The following LINC00305 variants were observed in gnomAD, a reference collection of about 807,000 sequenced individuals.
LINC00305 encodes the protein long intergenic non-protein coding RNA 305.
intron 3 of LINC00305, among the ~76,000 whole-genome samples, chr18:64,080,923 CTA>C (rs1020035010): frequency 8.5e-5 from 13 of 152,066 alleles, no homozygotes; most frequent in Admixed American, 2.0e-4. Context: ...AAAAAGAAAA[CTA>C]TTTTAATTTT....
At chr18:64,133,815 T>C (rs1235383421) in intron 1 of LINC00305, among the ~76,000 whole-genome samples, 1 of 152,236 alleles carries the variant, frequency 6.6e-6, no homozygotes, top group South Asian at 2.1e-4. Context: ...GTCATTTTCA[T>C]GGTTTATAAC....
chr18:64,100,106 G>A (rs2051262216), intron 1 of LINC00305, among the ~76,000 whole-genome samples: 1 of 151,970 alleles, frequency 6.6e-6, no homozygotes, highest in Admixed American at 6.6e-5. Flanking sequence ...AAAGCTGGCT[G>A]GCTAACTCCA....
chr18:64,082,804 TTC>T (rs761973896), intron 3 of LINC00305, among the ~76,000 whole-genome samples: 3 of 152,190 alleles, frequency 2.0e-5, no homozygotes, highest in East Asian at 3.8e-4. Context: ...TTACTTTATT[TTC>T]TGTTTCCATT....
intron 3 of LINC00305, among the ~76,000 whole-genome samples, chr18:64,083,839 A>C (rs1401334098): frequency 6.6e-6 from 1 of 152,174 alleles, no homozygotes; most frequent in East Asian, 1.9e-4. Context: ...GGTAACCTTG[A>C]TTTGTTAGGA....
chr18:64,095,520 G>C (rs2051241881), intron 3 of LINC00305, among the ~76,000 whole-genome samples: 1 of 152,044 alleles, frequency 6.6e-6, no homozygotes, highest in African/African-American at 2.4e-5. Context: ...AGGTGAAACA[G>C]GAGCTATCTG....
At chr18:64,133,030 CAGAA>C (rs2051416945) in intron 1 of LINC00305, among the ~76,000 whole-genome samples, 1 of 152,184 alleles carries the variant, frequency 6.6e-6, no homozygotes, top group Admixed American at 6.5e-5. Context: ...CACGATATGG[CAGAA>C]GCTCAGCCAG....
intron 1 of LINC00305, among the ~76,000 whole-genome samples, chr18:64,145,451 C>T (rs918195912): frequency 6.6e-6 from 1 of 152,144 alleles, no homozygotes; most frequent in Non-Finnish European, 1.5e-5. Context: ...GGCGGTGACC[C>T]CCCTGGACCC....
chr18:64,145,580 AT>A (rs1414457492), intron 1 of LINC00305, among the ~76,000 whole-genome samples: 1 of 151,936 alleles, frequency 6.6e-6, no homozygotes, highest in Admixed American at 6.6e-5. Flanking sequence ...CCCAGATAAT[AT>A]TTTTTTGTAG....
At chr18:64,100,144 G>GT (rs947052308) in intron 1 of LINC00305, among the ~76,000 whole-genome samples, 184 of 148,726 alleles carry the variant, frequency 1.2e-3, no homozygotes, top group African/African-American at 2.9e-3. Context: ...ATTAAATATT[G>GT]TTTTTTTTTT....
At chr18:64,129,313 C>T (rs761487564) in intron 1 of LINC00305, among the ~76,000 whole-genome samples, 2 of 152,032 alleles carry the variant, frequency 1.3e-5, no homozygotes, top group Non-Finnish European at 2.9e-5. Context: ...GACTGATTTG[C>T]TAATTTTAAA....
At chr18:64,085,556 G>A (rs954289997) in intron 3 of LINC00305, among the ~76,000 whole-genome samples, 4 of 151,618 alleles carry the variant, frequency 2.6e-5, no homozygotes, top group African/African-American at 9.7e-5. Context: ...TCTGCCTCCC[G>A]GGTTCAAGAG....
chr18:64,097,832 A>G, intron 3 of LINC00305: 1 of 456,962 alleles, frequency 2.2e-6, no homozygotes, highest in Non-Finnish European at 4.4e-6. Flanking sequence ...TATTGAACTT[A>G]CCTTTATTCT....
intron 1 of LINC00305, among the ~76,000 whole-genome samples, chr18:64,123,030 CTGAT>C (rs1481501621): frequency 1.3e-5 from 2 of 151,986 alleles, no homozygotes; most frequent in African/African-American, 4.8e-5. Flanking sequence ...TTTTTGTACA[CTGAT>C]TTTGCATCCT....
At chr18:64,124,385 A>G (rs1297152397) in intron 1 of LINC00305, among the ~76,000 whole-genome samples, 1 of 152,094 alleles carries the variant, frequency 6.6e-6, no homozygotes, top group African/African-American at 2.4e-5. Flanking sequence ...CTGTGGTCCT[A>G]TAGCACCTGT....
chr18:64,132,985 C>T (rs750581410), intron 1 of LINC00305, among the ~76,000 whole-genome samples: 24 of 152,316 alleles, frequency 1.6e-4, no homozygotes, highest in Non-Finnish European at 2.6e-4. Context: ...AGTGATTCCT[C>T]CACATGGTTC....
intron 1 of LINC00305, among the ~76,000 whole-genome samples, chr18:64,104,917 A>G (rs1194792593): frequency 6.6e-6 from 1 of 150,536 alleles, no homozygotes; most frequent in African/African-American, 2.4e-5. Flanking sequence ...GAATTGTTCT[A>G]TTCTCGGTGG....
At chr18:64,121,220 A>T (rs1210349651) in intron 1 of LINC00305, among the ~76,000 whole-genome samples, 2 of 152,086 alleles carry the variant, frequency 1.3e-5, no homozygotes, top group Non-Finnish European at 2.9e-5. Flanking sequence ...GTATAAATTT[A>T]TGGGACATAT....
At chr18:64,148,216 G>A (rs928775405) in intron 1 of LINC00305, among the ~76,000 whole-genome samples, 1 of 151,986 alleles carries the variant, frequency 6.6e-6, no homozygotes, top group Non-Finnish European at 1.5e-5. Context: ...AGAGAGGAGT[G>A]TAAAGTCTAA....
chr18:64,106,253 G>A (rs1175606554), intron 1 of LINC00305, among the ~76,000 whole-genome samples: 1 of 152,154 alleles, frequency 6.6e-6, no homozygotes, highest in Non-Finnish European at 1.5e-5. Context: ...CCTTGCTCTT[G>A]AGGTTAGCAT....
Sources: gnomAD v4.1 joint callset for allele counts (sites outside exome capture counted in the v4.1 genomes callset) on GRCh38, gnomAD v4.1.1 for gene constraint, MANE v1.5 for transcripts, NCBI Gene and HGNC (gene_info 2026-07-23, HGNC 2026-07-21) for gene names.